SH3TC1: variants seen among roughly 807,000 people sequenced by gnomAD.
SH3TC1 encodes the protein SH3 domain and tetratricopeptide repeats 1, also known as SH3 domain and tetratricopeptide repeat-containing protein 1.
In SH3TC1, 135 loss-of-function variants were observed where a neutral mutation model predicts 117.3. That is an observed-to-expected ratio of 1.15 (90% confidence interval 1.00 to 1.33). SH3TC1 has a LOEUF of 1.33. Ranked by LOEUF, SH3TC1 falls within the 40% of genes most tolerant of loss-of-function variation. The pLI is 0.00. For missense variants in SH3TC1, 2,092 were observed against 1,794.3 expected, an observed-to-expected ratio of 1.17 and a Z score of -3.00; for synonymous variants, 898 against 816.9, an observed-to-expected ratio of 1.10 and a Z score of -1.69.
chr4:8,216,023 G>T, intron 5 of SH3TC1, 88 bp from the exon 6 acceptor site: 1 of 1,513,364 alleles, frequency 6.6e-7, no homozygotes, highest in Admixed American at 1.8e-5. Flanking sequence ...GGTCAGTGCA[G>T]GGCTCAGCCG....
In SH3TC1 at chr4:8,222,873, A is replaced by G. The variant is rs1389565136; in HGVS notation, c.1146A>G (p.Glu382=). 3.1e-6 allele frequency: 5 copies of G among 1,613,784 alleles called. No homozygotes were observed. Among genetic ancestry groups the G allele is most frequent in the Non-Finnish European group, 4.2e-6 (5 of 1,179,816 alleles). ...GTGCGATTTTTCTCAATGAGGAAGA[A>G]AAGTCATTCTTCAGCGAGGGCTGCT... The part of the protein sequence containing the change: ...LESAIFLNEE[E]KSFFSEGCFS... The change falls in exon 10 of 18, where the codon GAA becomes GAG. Residue 382 remains glutamate (E), a synonymous_variant. Transcript: ENST00000245105.
intron 12 of SH3TC1, chr4:8,231,184 T>G (rs1721171686): frequency 6.6e-6 from 1 of 152,268 alleles, no homozygotes; most frequent in Non-Finnish European, 1.5e-5. Flanking sequence ...TTTCCACATA[T>G]TTTTGACTTT....
Position 8,186,575 on chromosome 4 carries a change from A to G in SH3TC1, c.-57+4365A>G, listed in dbSNP as rs530532612. Among the ~76,000 whole-genome samples the G allele has an allele frequency of 6.6e-6, 1 of 152,336 alleles. No individual in the cohort carries two copies. The highest frequency in any genetic ancestry group is 1.9e-4 in the East Asian group (1 of 5,190). On this transcript the variant is annotated intron_variant, in intron 1 of 16. Coordinates refer to the SH3TC1 transcript ENST00000508641. This position sits in a 1 kb window ranked among gnomAD's most constrained non-coding sequence, Gnocchi z 5.2. ...GGGGAGGCTGATGGGAGTTTATGCC[A>G]ATGCCCTGCACTGGCTTCCCAACTT... is the stretch of plus-strand genomic sequence containing the variant.
chr4:8,233,689 CCATCCAT>C, intron 14 of SH3TC1, among the ~76,000 whole-genome samples, 176 bp downstream of exon 14: 1 of 151,952 alleles, frequency 6.6e-6, no homozygotes, highest in Middle Eastern at 3.5e-3. Context: ...GTCCTTCCAT[CCATCCAT>C]CATCCATCCA....
Position 8,216,151 on chromosome 4 carries a change from G to C in SH3TC1, c.522G>C (p.Gln174His), listed in dbSNP as rs772967425. The change falls in exon 6 of 18, where the codon CAG becomes CAC. Residue 174 changes from glutamine to histidine, a missense_variant. By Grantham distance (24) the Gln-to-His change is conservative. Coordinates refer to ENST00000245105, the MANE Select transcript of SH3TC1 (RefSeq NM_018986.5). Reference protein sequence around the residue: ...HHCLANLLMDQAFWLLLPSEE... With the variant: ...HHCLANLLMDHAFWLLLPSEE... Reference sequence around the variant, plus strand: ...GCCTGGCAAACCTGCTCATGGACCAGGCCTTCTGGCTGCTCTTGCCCAGTG... The same window carrying C: ...GCCTGGCAAACCTGCTCATGGACCACGCCTTCTGGCTGCTCTTGCCCAGTG... 3 of 1,613,756 alleles carry C rather than the reference G, an allele frequency of 1.9e-6. No homozygotes were observed. The South Asian group carries it at 3.3e-5, about 18-fold the overall frequency.
At chr4:8,199,963 G>T (rs1561676366) in intron 1 of SH3TC1, among the ~76,000 whole-genome samples, 1 of 152,222 alleles carries the variant, frequency 6.6e-6, no homozygotes, top group Non-Finnish European at 1.5e-5. Context: ...TCCAGGGAGG[G>T]TCTGGGCCCA....
rs749208338 is a variant in SH3TC1 at position 8,227,264 on chromosome 4, C to T, written c.1570C>T (p.Pro524Ser). The T allele has an allele frequency of 4.4e-6, 7 of 1,600,836 alleles. No individual in the cohort carries two copies. In the African/African-American group the frequency reaches 6.7e-5, roughly 15 times the overall value. Residue 524 changes from proline (P) to serine (S), a missense_variant, in exon 12 of 18, where the codon CCG becomes TCG. Pro to Ser is a moderately conservative substitution (Grantham distance 74). Transcript: ENST00000245105. ...CCGTGGCCTGTACGATGTGGCGCTG[C>T]CGTGGCTGAGCAGCGTGTTCCGCAG... ...SFRGLYDVAL[P>S]WLSSVFRSFS...
In SH3TC1 at chr4:8,228,342, C is replaced by T. The variant is rs751980612; in HGVS notation, c.2648C>T (p.Ala883Val). The T allele has an allele frequency of 1.9e-6, 3 of 1,611,834 alleles. No individual in the cohort carries two copies. The African/African-American group carries it at 4.0e-5, about 22-fold the overall frequency. The change falls in exon 12 of 18, where the codon GCT (alanine) becomes GTT (valine). Residue 883 changes from alanine to valine, a missense_variant. Transcript: ENST00000245105. ...LKRTGRTRQA[A>V]ESYYRALRVA... is the part of the protein sequence containing the mutation. ...AGGACGGGCCGGACGAGGCAGGCAG[C>T]TGAGAGCTACTACCGCGCCCTGCGG...
intron 17 of SH3TC1, 77 bp from the exon 18 acceptor site, chr4:8,240,621 G>T: frequency 6.3e-7 from 1 of 1,584,516 alleles, no homozygotes; most frequent in South Asian, 1.2e-5. Context: ...CATGTGGAAT[G>T]ACCTGGGCAC....
intron 2 of SH3TC1, among the ~76,000 whole-genome samples, chr4:8,208,369 C>CTTTTTT (rs151217437): frequency 3.6e-5 from 5 of 140,722 alleles, no homozygotes; most frequent in South Asian, 2.2e-4. Context: ...ACATTTCTTT[C>CTTTTTT]TTTTTTTTTA....
At chr4:8,194,633 G>A (rs180888988), upstream of SH3TC1, among the ~76,000 whole-genome samples, 210 of 152,294 alleles carry the variant, frequency 1.4e-3, 3 homozygotes, top group Non-Finnish European at 7.2e-4. Context: ...GTGGGGAGAT[G>A]GAGAAACTCT....
In SH3TC1 at chr4:8,204,325, T is replaced by G. The variant is rs139811020; in HGVS notation, c.-28-842T>G. Among the ~76,000 whole-genome samples, 9 of 152,244 alleles carry G rather than the reference T, an allele frequency of 5.9e-5. No homozygotes were observed. In the East Asian group the frequency reaches 1.5e-3, roughly 26 times the overall value. ...GGGCTTATTTCTTCCCCACCTCACA[T>G]TTCACCAAGCAGGGGCAGCAGAGCC... On this transcript the variant is annotated intron_variant, in intron 1 of 17. Transcript: ENST00000245105.
chr4:8,193,669 C>T (rs560497619), intron 1 of SH3TC1, among the ~76,000 whole-genome samples: 3 of 152,356 alleles, frequency 2.0e-5, no homozygotes, highest in South Asian at 2.1e-4. Flanking sequence ...AGCAGCCAAA[C>T]CATGGGACAG....
Position 8,241,000 on chromosome 4 carries a change from T to A in SH3TC1, c.*45T>A. 1 of 1,586,270 alleles carries A rather than the reference T, an allele frequency of 6.3e-7. No individual in the cohort carries two copies. On this transcript the variant is annotated 3_prime_UTR_variant, in exon 18 of 18. Transcript: ENST00000245105. The stretch of plus-strand genomic sequence containing the variant: ...GGGTTTTGTGCAAGGGCTGGGGGTC[T>A]CCTGCCTCTCCTGGTGTCGCCGGTG...
chr4:8,227,087 T>C lies in SH3TC1; in HGVS notation c.1393T>C (p.Ser465Pro), dbSNP rs1720522872. 6.2e-7 allele frequency: 1 copy of C among 1,612,252 alleles called. No homozygotes were observed. The highest frequency in any genetic ancestry group is 1.3e-5 in the African/African-American group (1 of 74,962). The change falls in exon 12 of 18, where the codon TCC becomes CCC. Residue 465 changes from serine to proline, a missense_variant. Coordinates refer to ENST00000245105, the MANE Select transcript of SH3TC1 (RefSeq NM_018986.5). ...CCCAGGCTGCCCCCAGGAGCCAGCG[T>C]CCTGGGGTCTCTGTGCGGCATCCAG... ...TCPGCPQEPA[S>P]WGLCAASSDV...
chr4:8,234,910 C>T (rs1721669676), intron 14 of SH3TC1, among the ~76,000 whole-genome samples: 1 of 152,234 alleles, frequency 6.6e-6, no homozygotes, highest in Non-Finnish European at 1.5e-5. Flanking sequence ...CAGAGGCTTT[C>T]CCAAACACAG....
chr4:8,221,675 T>G (rs1719930690), intron 9 of SH3TC1, among the ~76,000 whole-genome samples: 1 of 152,252 alleles, frequency 6.6e-6, no homozygotes, highest in Non-Finnish European at 1.5e-5. Flanking sequence ...ATGTGGTTCC[T>G]AAAACCAGGA....
At position 8,227,956 on chromosome 4, in the gene SH3TC1, C is replaced by T. The variant is rs142997118; in HGVS notation, c.2262C>T (p.Asn754=). ...SLRSVNLVLQ[N]APQPHSLPAQ... is the part of the protein sequence containing the mutation. ...GGAGTGTGAACCTGGTGCTCCAGAA[C>T]GCCCCCCAGCCCCACAGCCTCCCTG... Residue 754 remains asparagine (N), a synonymous_variant, in exon 12 of 18, where the codon AAC becomes AAT. Transcript: ENST00000245105. 4.8e-5 allele frequency: 78 copies of T among 1,612,276 alleles called. No individual in the cohort carries two copies. In the African/African-American group the frequency reaches 7.1e-4, roughly 15 times the overall value.
intron 13 of SH3TC1, 23 bp downstream of exon 13, chr4:8,232,179 TGGGGGCG>T (rs760171039): frequency 9.5e-4 from 74 of 77,858 alleles, no homozygotes; most frequent in Non-Finnish European, 1.3e-3. Flanking sequence ...TCTGTGGTGG[TGGGGGCG>T]GGGGGAGGGG....
Sources: gnomAD v4.1 joint callset for allele counts (sites outside exome capture counted in the v4.1 genomes callset) on GRCh38, gnomAD v4.1.1 for gene constraint, Gnocchi (gnomAD v3.1) non-coding constraint, MANE v1.5 for transcripts, NCBI Gene and HGNC (gene_info 2026-07-23, HGNC 2026-07-21) for gene names.